LONP1: variants seen among roughly 807,000 people sequenced by gnomAD.
LONP1 encodes the protein lon peptidase 1, mitochondrial.
A neutral mutation model predicts 98.5 loss-of-function variants in LONP1; 31 were observed. That is an observed-to-expected ratio of 0.31 (90% confidence interval 0.24 to 0.42). The LOEUF (loss-of-function observed/expected upper bound fraction) is 0.42. Among genes scored for constraint, LONP1 ranks in the 20% least tolerant of loss-of-function variants. The pLI is 1.00. For synonymous variants in LONP1, 781 were observed against 594.7 expected (o/e 1.31, Z -4.56); for missense variants, 1,336 against 1,350.6 (o/e 0.99, Z 0.17).
At chr19:5,699,268 T>A (rs2054998579) in intron 9 of LONP1, 63 bp from the exon 10 acceptor site, 2 of 1,318,788 alleles carry the variant, frequency 1.5e-6, no homozygotes, top group Admixed American at 2.6e-5. Context: ...CGCGCATGAC[T>A]CTCGCCACCT....
At chr19:5,698,331 G>A (rs1195342465) in intron 10 of LONP1, among the ~76,000 whole-genome samples, 1 of 152,200 alleles carries the variant, frequency 6.6e-6, no homozygotes, top group Non-Finnish European at 1.5e-5. Context: ...CTTGCAGGAT[G>A]GAAACACGTG....
chr19:5,699,263 A>T, intron 9 of LONP1, 58 bp from the exon 10 acceptor site: 1 of 1,391,242 alleles, frequency 7.2e-7, no homozygotes, highest in East Asian at 2.6e-5. Flanking sequence ...GGACCCGCGC[A>T]TGACTCTCGC....
At chr19:5,694,170 ACCCAAATCCATAAGGC>A in intron 15 of LONP1, among the ~76,000 whole-genome samples, 1 of 152,164 alleles carries the variant, frequency 6.6e-6, no homozygotes, top group Middle Eastern at 3.4e-3. Flanking sequence ...TCAAAGTGGC[ACCCAAATCCATAAGGC>A]CCATGGTGTG....
intron 6 of LONP1, 132 bp from the exon 7 acceptor site, chr19:5,707,275 G>C (rs527337437): frequency 8.4e-6 from 6 of 711,814 alleles, no homozygotes; most frequent in Non-Finnish European, 1.5e-5. Flanking sequence ...CCAGCACAGA[G>C]GCATGTGTGC....
Position 5,707,843 on chromosome 19 carries a change from G to C in LONP1, c.933-17C>G, listed in dbSNP as rs779255978. On this transcript the variant is annotated splice_polypyrimidine_tract_variant and intron_variant, in intron 5 of 17. Coordinates refer to ENST00000360614, the MANE Select transcript of LONP1 (RefSeq NM_004793.4). ...ACTGACTCCCTGGGGGACAAAGGGA[G>C]CTGCCTCGGTGGCCAGGGCCTCACG... 1.2e-6 allele frequency: 2 copies of C among 1,611,896 alleles called. No individual in the cohort carries two copies. The highest frequency in any genetic ancestry group is 1.7e-6 in the Non-Finnish European group (2 of 1,179,466).
chr19:5,705,695 G>A (rs866114508), intron 8 of LONP1, 77 bp downstream of exon 8: 10 of 1,362,102 alleles, frequency 7.3e-6, no homozygotes, highest in Middle Eastern at 2.0e-4. Flanking sequence ...GCTCCCCGCT[G>A]GGTCCCCTGG....
At chr19:5,695,026 T>A in intron 13 of LONP1, 125 bp from the exon 14 acceptor site, 1 of 1,170,112 alleles carries the variant, frequency 8.5e-7, no homozygotes, top group Non-Finnish European at 1.2e-6. Context: ...TCCCTGATGG[T>A]GAAACCAGGG....
In LONP1 at chr19:5,707,823, C is replaced by G. The variant is rs888712266; in HGVS notation, c.936G>C (p.Glu312Asp). Residue 312 changes from glutamate (E) to aspartate (D), a missense_variant, in exon 6 of 18, where the codon GAG (glutamate) becomes GAC (aspartate). Physicochemically the swap from Glu to Asp is conservative, Grantham distance 45. Transcript: ENST00000360614. ...DIIALNPLYR[E>D]SVLQMMQAGQ... ...CAGCCTGCATCATCTGCAGCACTGA[C>G]TCCCTGGGGGACAAAGGGAGCTGCC... 6.2e-7 allele frequency: 1 copy of G among 1,612,972 alleles called. No homozygotes were observed. The highest frequency in any genetic ancestry group is 1.3e-5 in the African/African-American group (1 of 75,040).
chr19:5,702,068 A>T (rs1424795623), intron 8 of LONP1, among the ~76,000 whole-genome samples: 7 of 146,010 alleles, frequency 4.8e-5, no homozygotes, highest in Non-Finnish European at 7.6e-5. Flanking sequence ...CCCGTCCGGG[A>T]GGGAGGTGGG....
chr19:5,698,774 G>A (rs1427978951), intron 10 of LONP1, among the ~76,000 whole-genome samples: 4 of 152,226 alleles, frequency 2.6e-5, no homozygotes, highest in East Asian at 1.9e-4. Flanking sequence ...GGTGTCTGCT[G>A]AGGGCCGGCC....
intron 6 of LONP1, 86 bp downstream of exon 6, chr19:5,707,611 G>A: frequency 6.8e-7 from 1 of 1,473,690 alleles, no homozygotes; most frequent in Non-Finnish European, 9.3e-7. Flanking sequence ...AGCTGAGGAG[G>A]AACGGGGGCA....
At position 5,705,755 on chromosome 19, in the gene LONP1, C is replaced by T. The variant is rs2145608828; in HGVS notation, c.1367+17G>A. On this transcript the variant is annotated intron_variant, in intron 8 of 17. Transcript: ENST00000360614. ...GGGGTCACCTGAGGGCTGGGCCGCC[C>T]CGGGCCTGGCACTCACTTGAACTCC... 3.7e-6 allele frequency: 6 copies of T among 1,612,712 alleles called. No individual in the cohort carries two copies. The highest frequency in any genetic ancestry group is 1.3e-5 in the African/African-American group (1 of 75,066).
intron 7 of LONP1, 124 bp downstream of exon 7, chr19:5,706,936 C>G: frequency 4.1e-6 from 3 of 739,448 alleles, no homozygotes; most frequent in Non-Finnish European, 6.9e-6. Flanking sequence ...AAAACCCAGA[C>G]AGGCCTTCTT....
chr19:5,714,531 C>A (rs1221109531), intron 1 of LONP1, among the ~76,000 whole-genome samples: 6 of 151,882 alleles, frequency 4.0e-5, no homozygotes, highest in African/African-American at 1.2e-4. Context: ...TCTCGAACTC[C>A]TGACCTCAGG....
In LONP1 at chr19:5,705,161, T is replaced by TAAA. The variant is rs796726965; in HGVS notation, c.1367+608_1367+610dup. 2.4e-5 allele frequency among the ~76,000 whole-genome samples: 3 copies of TAAA among 126,164 alleles called. 1 individual carries two copies. Among genetic ancestry groups the TAAA allele is most frequent in the East Asian group, 2.3e-4 (1 of 4,390 alleles). The allele number at this position is 126,164 out of a possible 152,430, so 82.8% of individuals were successfully genotyped here. On this transcript the variant is annotated intron_variant, in intron 8 of 17. Coordinates refer to ENST00000360614, the MANE Select transcript of LONP1 (RefSeq NM_004793.4). ...TGGACAACAGAGCAAGACTCTGTCT[T>TAAA]AAAAAAAAAAAAAAGCCAGGCATGG...
intron 7 of LONP1, 66 bp downstream of exon 7, chr19:5,706,994 T>G: frequency 7.3e-7 from 1 of 1,365,618 alleles, no homozygotes; most frequent in Non-Finnish European, 1.0e-6. Flanking sequence ...CTCCAGAGCC[T>G]GACTGATGTC....
intron 11 of LONP1, 92 bp downstream of exon 11, chr19:5,696,564 CGATGGCCCCTGAGT>C: frequency 2.3e-6 from 3 of 1,312,316 alleles, no homozygotes; most frequent in Non-Finnish European, 3.2e-6. Flanking sequence ...AGCATCACGG[CGATGGCCCCTGAGT>C]TGGCTCGGGG....
intron 9 of LONP1, 51 bp downstream of exon 9, chr19:5,700,738 G>A: frequency 1.2e-6 from 2 of 1,607,638 alleles, no homozygotes; most frequent in Non-Finnish European, 1.7e-6. Context: ...CAAGAGTCCT[G>A]GGCCCGGGCA....
chr19:5,707,972 T>A (rs763978014), intron 5 of LONP1, 146 bp from the exon 6 acceptor site: 43 of 918,636 alleles, frequency 4.7e-5, no homozygotes, highest in Non-Finnish European at 6.6e-5. Context: ...CCAGCTCTGC[T>A]GCTTGTTCTC....
Sources: gnomAD v4.1 joint callset for allele counts (sites outside exome capture counted in the v4.1 genomes callset) on GRCh38, gnomAD v4.1.1 for gene constraint, MANE v1.5 for transcripts, NCBI Gene and HGNC (gene_info 2026-07-23, HGNC 2026-07-21) for gene names.